NVL: variants seen among roughly 807,000 people sequenced by gnomAD.
NVL encodes nuclear valosin-containing protein-like.
A neutral mutation model predicts 110.2 loss-of-function variants in NVL; 84 were observed. The observed-to-expected ratio is 0.76, with a 90% confidence interval of 0.64 to 0.91. The LOEUF (loss-of-function observed/expected upper bound fraction) is 0.91, where lower values mean the gene tolerates loss of function less well. Among genes scored for constraint, NVL ranks in the 40% least tolerant of loss-of-function variants. The pLI is 0.00. For missense variants in NVL, 882 were observed against 1,035.9 expected (o/e 0.85, Z 2.04); for synonymous variants, 354 against 361.1 (o/e 0.98, Z 0.22).
chr1:224,281,736 T>C (rs1291577366), intron 15 of NVL, among the ~76,000 whole-genome samples: 1 of 151,366 alleles, frequency 6.6e-6, no homozygotes, highest in African/African-American at 2.4e-5. Flanking sequence ...GTGGATCACC[T>C]GAGGTCAGGA....
chr1:224,245,831 T>C (rs900405589), intron 19 of NVL, among the ~76,000 whole-genome samples: 1 of 151,478 alleles, frequency 6.6e-6, no homozygotes, highest in South Asian at 2.1e-4. Flanking sequence ...CACGTGCCTG[T>C]AATCCCAGCT....
At chr1:224,315,642 TG>T (rs1421716972) in intron 4 of NVL, among the ~76,000 whole-genome samples, 1 of 152,100 alleles carries the variant, frequency 6.6e-6, no homozygotes, top group Non-Finnish European at 1.5e-5. Context: ...AAAAGTAAAA[TG>T]GTATAAAGAC....
At chr1:224,252,465 T>C (rs1662610599) in intron 18 of NVL, among the ~76,000 whole-genome samples, 1 of 152,208 alleles carries the variant, frequency 6.6e-6, no homozygotes. Context: ...ATTAATGAGA[T>C]TCACGTTTCT....
intron 15 of NVL, among the ~76,000 whole-genome samples, chr1:224,285,153 G>A (rs1174145448): frequency 6.6e-6 from 1 of 152,156 alleles, no homozygotes; most frequent in Non-Finnish European, 1.5e-5. Flanking sequence ...GCTTATATTT[G>A]TGGCTGGGGG....
chr1:224,289,780 T>TA, intron 12 of NVL, 47 bp from the exon 13 acceptor site: 1 of 1,554,162 alleles, frequency 6.4e-7, no homozygotes, highest in Middle Eastern at 1.8e-4. Context: ...GATCTAATAG[T>TA]AAAAACAAGT....
At chr1:224,266,040 TACAA>T (rs780113869) in intron 18 of NVL, among the ~76,000 whole-genome samples, 2 of 152,206 alleles carry the variant, frequency 1.3e-5, no homozygotes, top group Non-Finnish European at 2.9e-5. Context: ...AACCAGATAG[TACAA>T]ACAATTAAAC....
intron 2 of NVL, among the ~76,000 whole-genome samples, chr1:224,318,345 G>A (rs1670294253): frequency 1.3e-5 from 2 of 152,168 alleles, no homozygotes; most frequent in Non-Finnish European, 2.9e-5. Flanking sequence ...GCTCATGCCT[G>A]TAATCCCAGC....
chr1:224,259,631 AAAT>A (rs901953134), intron 18 of NVL, among the ~76,000 whole-genome samples: 2 of 152,054 alleles, frequency 1.3e-5, no homozygotes, highest in East Asian at 1.9e-4. Context: ...TTCATTAAAC[AAAT>A]AATAATAATA....
chr1:224,283,311 C>G (rs903133925), intron 15 of NVL, among the ~76,000 whole-genome samples: 3 of 152,134 alleles, frequency 2.0e-5, no homozygotes, highest in Non-Finnish European at 1.5e-5. Flanking sequence ...TGCGGCAAAA[C>G]CCCGTCTCTA....
At chr1:224,253,746 AAAGAAAAG>A (rs1432829265) in intron 18 of NVL, among the ~76,000 whole-genome samples, 2 of 150,728 alleles carry the variant, frequency 1.3e-5, no homozygotes, top group Non-Finnish European at 1.5e-5. Context: ...AAAAAAAAAA[AAAGAAAAG>A]AAAAAAAGAA....
At chr1:224,296,403 A>T (rs1667888674) in intron 11 of NVL, 98 bp downstream of exon 11, 1 of 631,292 alleles carries the variant, frequency 1.6e-6, no homozygotes, top group Non-Finnish European at 2.6e-6. Flanking sequence ...ACACTATTTG[A>T]TATTTACTAT....
intron 2 of NVL, among the ~76,000 whole-genome samples, chr1:224,323,609 G>A (rs1670866166): frequency 6.6e-6 from 1 of 152,110 alleles, no homozygotes; most frequent in Admixed American, 6.6e-5. Flanking sequence ...TATAGGACAG[G>A]GCCAATAAAA....
chr1:224,230,555 G>C (rs1659757522), intron 22 of NVL, among the ~76,000 whole-genome samples: 2 of 151,956 alleles, frequency 1.3e-5, no homozygotes, highest in Admixed American at 1.3e-4. Flanking sequence ...AGTGAGCCAA[G>C]ATCATGCCAC....
chr1:224,249,373 G>A (rs1187540107), intron 19 of NVL, among the ~76,000 whole-genome samples: 10 of 152,102 alleles, frequency 6.6e-5, no homozygotes, highest in Non-Finnish European at 8.8e-5. Flanking sequence ...CAATCCACCT[G>A]CCTTGGCTTC....
intron 18 of NVL, among the ~76,000 whole-genome samples, chr1:224,262,740 A>G (rs1473693462): frequency 6.6e-6 from 1 of 152,264 alleles, no homozygotes; most frequent in Non-Finnish European, 1.5e-5. Flanking sequence ...GAACAGTAAC[A>G]GAAAACAAAG....
chr1:224,290,785 GA>G (rs1463793078), intron 12 of NVL, among the ~76,000 whole-genome samples: 2 of 142,432 alleles, frequency 1.4e-5, no homozygotes, highest in Non-Finnish European at 3.0e-5. Flanking sequence ...CTGGGCAACA[GA>G]GCGAGACTCT....
intron 12 of NVL, among the ~76,000 whole-genome samples, chr1:224,293,316 G>A (rs987310102): frequency 3.9e-5 from 6 of 152,018 alleles, no homozygotes; most frequent in African/African-American, 1.2e-4. Flanking sequence ...TGATCCGCCC[G>A]CCTCGGCCTC....
intron 20 of NVL, 80 bp from the exon 21 acceptor site, chr1:224,233,369 T>C (rs781000507): frequency 9.0e-6 from 9 of 1,004,178 alleles, no homozygotes; most frequent in Non-Finnish European, 8.6e-6. Flanking sequence ...AGTTTTCATA[T>C]AAGTCATATA....
At chr1:224,295,338 G>A (rs879344509) in intron 11 of NVL, among the ~76,000 whole-genome samples, 6 of 152,030 alleles carry the variant, frequency 3.9e-5, no homozygotes, top group African/African-American at 1.4e-4. Context: ...GACTACAGGC[G>A]CCCGCCACCA....
Sources: allele counts gnomAD v4.1 joint callset (sites outside exome capture counted in the v4.1 genomes callset), GRCh38; gene constraint gnomAD v4.1.1; transcripts MANE v1.5; gene names NCBI Gene and HGNC (gene_info 2026-07-23, HGNC 2026-07-21).